Variants in ADTRP observed in about 807,000 individuals in gnomAD.
ADTRP encodes androgen dependent TFPI regulating protein, also known as androgen-dependent TFPI-regulating protein.
ADTRP carries 20 observed loss-of-function variants against 27.0 expected under a neutral mutation model. The observed-to-expected ratio is 0.74, with a 90% CI of 0.52 to 1.08. ADTRP has a LOEUF of 1.08. Among genes scored for constraint, ADTRP ranks in the 50% least tolerant of loss-of-function variants. ADTRP has a pLI of 0.00. For synonymous variants in ADTRP, 101 were observed against 105.2 expected (o/e 0.96, Z 0.25); for missense variants, 251 against 275.0 (o/e 0.91, Z 0.62).
intron 3 of ADTRP, among the ~76,000 whole-genome samples, chr6:11,765,632 G>A (rs564184042): frequency 4.6e-5 from 7 of 152,062 alleles, no homozygotes; most frequent in South Asian, 2.1e-4. Context: ...ACATTGTGCC[G>A]ATGATTCAGT....
intron 3 of ADTRP, among the ~76,000 whole-genome samples, chr6:11,755,885 T>C (rs1448005681): frequency 6.6e-6 from 1 of 152,224 alleles, no homozygotes; most frequent in East Asian, 1.9e-4. Context: ...TGTTTGGCAA[T>C]GCTCTGAACA....
chr6:11,719,504 T>C (rs144519690), intron 5 of ADTRP, among the ~76,000 whole-genome samples: 132 of 152,336 alleles, frequency 8.7e-4, no homozygotes, highest in Non-Finnish European at 1.7e-3. Flanking sequence ...GGAATTATTA[T>C]TTTTTAAACT....
intron 3 of ADTRP, among the ~76,000 whole-genome samples, chr6:11,739,957 A>T (rs1347132199): frequency 1.3e-5 from 2 of 152,232 alleles, no homozygotes; most frequent in African/African-American, 4.8e-5. Flanking sequence ...GAGCCTACAT[A>T]TTGCAAAATC....
intron 3 of ADTRP, among the ~76,000 whole-genome samples, chr6:11,753,691 G>A (rs4713852): frequency 0.77 from 116,813 of 152,124 alleles, 44,942 homozygotes; most frequent in East Asian, 0.95. Context: ...ATTAAATACT[G>A]TTAGATAGGT....
chr6:11,769,048 C>T (rs1026679647), intron 1 of ADTRP, among the ~76,000 whole-genome samples: 19 of 151,792 alleles, frequency 1.3e-4, no homozygotes, highest in African/African-American at 4.1e-4. Context: ...GCTGTGTGGC[C>T]CCCAAAGCCA....
Position 11,772,809 on chromosome 6 carries a change from A to G in ADTRP, c.154-4426T>C, listed in dbSNP as rs149508526. On this transcript the variant is annotated intron_variant, in intron 1 of 5. Coordinates refer to ENST00000414691, the MANE Select transcript of ADTRP (RefSeq NM_032744.4). Reference sequence around the variant, plus strand: ...TCGTATGGAATATAGGATTTCTGTCATCATTCATACACATTTAACTTAAGA... The same window carrying G: ...TCGTATGGAATATAGGATTTCTGTCGTCATTCATACACATTTAACTTAAGA... Among the ~76,000 whole-genome samples the G allele has an allele frequency of 8.5e-4, 129 of 152,366 alleles. 1 individual carries two copies. Among genetic ancestry groups the G allele is most frequent in the African/African-American group, 3.0e-3 (124 of 41,590 alleles).
chr6:11,724,938 C>T (rs1762138041), intron 4 of ADTRP, among the ~76,000 whole-genome samples: 1 of 152,216 alleles, frequency 6.6e-6, no homozygotes, highest in African/African-American at 2.4e-5. Context: ...TTTGAAGCTG[C>T]TGATCTCTTG....
At chr6:11,750,203 A>C (rs572316986) in intron 3 of ADTRP, among the ~76,000 whole-genome samples, 1 of 152,316 alleles carries the variant, frequency 6.6e-6, no homozygotes, top group Admixed American at 6.5e-5. Context: ...TGTTGGAAGA[A>C]TTTATACCCT....
At chr6:11,762,187 G>C (rs1439939148) in intron 3 of ADTRP, among the ~76,000 whole-genome samples, 1 of 152,222 alleles carries the variant, frequency 6.6e-6, no homozygotes, top group African/African-American at 2.4e-5. Context: ...CGGCTCAAAG[G>C]CCATCCAGGC....
chr6:11,742,942 T>C (rs929932398), intron 3 of ADTRP, among the ~76,000 whole-genome samples: 4 of 152,236 alleles, frequency 2.6e-5, no homozygotes, highest in Non-Finnish European at 4.4e-5. Context: ...GCATTACCAC[T>C]GTTGATAACA....
chr6:11,714,513 C>T lies in ADTRP; in HGVS notation c.659-1G>A. On this transcript the variant is annotated splice_acceptor_variant, in intron 5 of 5. Transcript: ENST00000414691. LOFTEE classifies it high-confidence loss of function. ...TTCTTCCGTGGCTGCCTCATGTCAC[C>T]TGTACAAACAAGAACAGAGACAGAC... 6.2e-7 allele frequency: 1 copy of T among 1,613,580 alleles called. No individual in the cohort carries two copies. The highest frequency in any genetic ancestry group is 8.5e-7 in the Non-Finnish European group (1 of 1,179,866).
At chr6:11,734,537 A>C (rs1762484023) in intron 4 of ADTRP, among the ~76,000 whole-genome samples, 1 of 152,208 alleles carries the variant, frequency 6.6e-6, no homozygotes, top group Non-Finnish European at 1.5e-5. Context: ...TTGGGTACTC[A>C]GGGAAAGAGG....
At chr6:11,778,502 C>A in intron 1 of ADTRP, 105 bp downstream of exon 1, 1 of 1,388,762 alleles carries the variant, frequency 7.2e-7, no homozygotes, top group Non-Finnish European at 9.6e-7. Flanking sequence ...AGAAGGAAGA[C>A]AAATAACAAA....
At chr6:11,756,742 A>G (rs185118370) in intron 3 of ADTRP, among the ~76,000 whole-genome samples, 1 of 152,334 alleles carries the variant, frequency 6.6e-6, no homozygotes, top group Admixed American at 6.5e-5. Flanking sequence ...GCACATGAAT[A>G]TTAGAGAAAA....
At chr6:11,720,705 C>G (rs368784215) in intron 5 of ADTRP, among the ~76,000 whole-genome samples, 1 of 152,132 alleles carries the variant, frequency 6.6e-6, no homozygotes, top group South Asian at 2.1e-4. Context: ...TCTACCGTGG[C>G]TTTCTTGATT....
At chr6:11,723,278 C>G in intron 5 of ADTRP, 71 bp downstream of exon 5, 4 of 1,556,278 alleles carry the variant, frequency 2.6e-6, no homozygotes, top group Non-Finnish European at 2.6e-6. Context: ...GTTTTTCTTT[C>G]TGTTTCCAGG....
chr6:11,734,783 G>A (rs572072181), intron 4 of ADTRP, among the ~76,000 whole-genome samples: 14 of 152,252 alleles, frequency 9.2e-5, no homozygotes, highest in East Asian at 5.8e-4. Flanking sequence ...TATAGGGATC[G>A]GAGGGTTGTC....
intron 3 of ADTRP, among the ~76,000 whole-genome samples, chr6:11,752,957 A>C (rs1763104272): frequency 6.6e-6 from 1 of 152,230 alleles, no homozygotes; most frequent in Non-Finnish European, 1.5e-5. Flanking sequence ...TTGCACATGT[A>C]ATATATTTGT....
intron 1 of ADTRP, among the ~76,000 whole-genome samples, chr6:11,774,868 A>C (rs1196121903): frequency 2.0e-5 from 3 of 152,218 alleles, no homozygotes; most frequent in Admixed American, 6.5e-5. Flanking sequence ...ACAGAGAGCA[A>C]GGGACATAGC....
Sources: allele counts gnomAD v4.1 joint callset (sites outside exome capture counted in the v4.1 genomes callset), GRCh38; gene constraint gnomAD v4.1.1; transcripts MANE v1.5; gene names NCBI Gene and HGNC (gene_info 2026-07-23, HGNC 2026-07-21).